The following BCO1 variants were observed in gnomAD, a reference collection of about 807,000 sequenced individuals.
The protein encoded by BCO1 is beta,beta-carotene 15,15'-dioxygenase.
A neutral mutation model predicts 56.3 loss-of-function variants in BCO1; 54 were observed. The observed-to-expected ratio is 0.96, with a 90% confidence interval of 0.77 to 1.20. The LOEUF is 1.20. BCO1 is among the 50% of genes most tolerant of loss of function. BCO1 has a pLI of 0.00. For synonymous variants in BCO1, 318 were observed against 266.1 expected (o/e 1.20, Z -1.90); for missense variants, 801 against 690.9 (o/e 1.16, Z -1.79).
intron 2 of BCO1, among the ~76,000 whole-genome samples, chr16:81,254,178 G>A (rs540569725): frequency 6.6e-6 from 1 of 152,048 alleles, no homozygotes; most frequent in East Asian, 1.9e-4. Flanking sequence ...ACCCAGGCAG[G>A]AGTTCAATGG....
At chr16:81,242,176 C>T (rs1478440707) in intron 1 of BCO1, among the ~76,000 whole-genome samples, 2 of 147,480 alleles carry the variant, frequency 1.4e-5, no homozygotes, top group Non-Finnish European at 3.0e-5. Context: ...GTGCCCAAGG[C>T]AAGAGACTTG....
chr16:81,280,272 A>C (rs1390889959), intron 7 of BCO1, among the ~76,000 whole-genome samples: 1 of 818 alleles, frequency 1.2e-3, no homozygotes, highest in Non-Finnish European at 7.2e-3. Context: ...TCCATCTCAA[A>C]AAAAAAAAAA....
At position 81,251,514 on chromosome 16, in the gene BCO1, C is replaced by A. The variant is rs140819875; in HGVS notation, c.193+5911C>A. The stretch of plus-strand genomic sequence containing the variant: ...GGCAGAGGCTGCAGTGAGCCGAGAT[C>A]ACACCTCTGCACTCCATCCTGGGTG... On this transcript the variant is annotated intron_variant, in intron 2 of 10. Transcript: ENST00000258168. 2.0e-3 allele frequency among the ~76,000 whole-genome samples: 293 copies of A among 149,858 alleles called. 1 individual carries two copies. The highest frequency in any genetic ancestry group is 6.9e-3 in the African/African-American group (280 of 40,650).
At chr16:81,274,274 T>C (rs1484173142) in intron 7 of BCO1, among the ~76,000 whole-genome samples, 2 of 145,616 alleles carry the variant, frequency 1.4e-5, no homozygotes, top group African/African-American at 5.1e-5. Context: ...TTTTTTTTTT[T>C]TTTTTTTGAG....
intron 8 of BCO1, among the ~76,000 whole-genome samples, chr16:81,284,610 C>A (rs1908068850): frequency 6.6e-6 from 1 of 151,938 alleles, no homozygotes; most frequent in Non-Finnish European, 1.5e-5. Context: ...TAACTGTTCT[C>A]CATTGACACC....
intron 1 of BCO1, among the ~76,000 whole-genome samples, chr16:81,239,848 C>A (rs902130192): frequency 1.3e-5 from 2 of 152,036 alleles, no homozygotes; most frequent in African/African-American, 2.4e-5. Flanking sequence ...GGTACCATTT[C>A]GACTCTAAAG....
Position 81,245,544 on chromosome 16 carries a change from C to A in BCO1, c.134C>A (p.Ser45Tyr), listed in dbSNP as rs1333266032. 6.2e-7 allele frequency: 1 copy of A among 1,613,774 alleles called. No individual in the cohort carries two copies. Among genetic ancestry groups the A allele is most frequent in the Admixed American group, 1.7e-5 (1 of 60,006 alleles). Residue 45 changes from serine to tyrosine, a missense_variant, in exon 2 of 11, where the codon TCC (serine) becomes TAC (tyrosine). Coordinates refer to ENST00000258168, the MANE Select transcript of BCO1 (RefSeq NM_017429.3). ...CCTGGGATGCACACAGTTGGGGAGT[C>A]CAGATACAACCATTGGTTCGACGGC... Reference protein sequence around the residue: ...NGPGMHTVGESRYNHWFDGLA... With the variant: ...NGPGMHTVGEYRYNHWFDGLA...
chr16:81,270,692 C>CTGTGTGTG (rs58969930), intron 7 of BCO1, among the ~76,000 whole-genome samples: 3,975 of 143,662 alleles, frequency 0.028, 191 homozygotes, highest in East Asian at 0.23. Context: ...CTCTCTGTGT[C>CTGTGTGTG]TGTGTGTGTG....
In BCO1 at chr16:81,290,562, G is replaced by A. The variant is rs369604360; in HGVS notation, c.1629G>A (p.Gly543=). 7 of 1,613,338 alleles carry A rather than the reference G, an allele frequency of 4.3e-6. No homozygotes were observed. The African/African-American group carries it at 6.7e-5, about 15-fold the overall frequency. The change falls in exon 11 of 11, where the codon GGG becomes GGA. Residue 543 remains glycine, a synonymous_variant. Coordinates refer to ENST00000258168, the MANE Select transcript of BCO1 (RefSeq NM_017429.3). Reference sequence around the variant, plus strand: ...GGGACAGGGCTTCCGACTGCCACGGGGCTCCTCTGACCTGATGGTGTTGGG... The same window carrying A: ...GGGACAGGGCTTCCGACTGCCACGGAGCTCCTCTGACCTGATGGTGTTGGG... The part of the protein sequence containing the change: ...EQRDRASDCH[G]APLT
At chr16:81,259,265 G>A (rs1007428773) in intron 2 of BCO1, among the ~76,000 whole-genome samples, 1 of 152,094 alleles carries the variant, frequency 6.6e-6, no homozygotes, top group Admixed American at 6.6e-5. Flanking sequence ...AGGCTGAGGC[G>A]GGTGGATCAC....
At chr16:81,240,579 C>A (rs929551820) in intron 1 of BCO1, among the ~76,000 whole-genome samples, 5 of 151,858 alleles carry the variant, frequency 3.3e-5, no homozygotes, top group Non-Finnish European at 7.4e-5. Flanking sequence ...GTGGCATGCA[C>A]CTGTAGTCCC....
At position 81,259,715 on chromosome 16, in the gene BCO1, C is replaced by G. The variant is rs764591988; in HGVS notation, c.233C>G (p.Thr78Ser). The change falls in exon 3 of 11, where the codon ACC (threonine) becomes AGC (serine). Residue 78 changes from threonine to serine, a missense_variant. Physicochemically the swap from Thr to Ser is moderately conservative, Grantham distance 58. Coordinates refer to ENST00000258168, the MANE Select transcript of BCO1 (RefSeq NM_017429.3). ...YYRSKYLRSD[T>S]YNTNIEANRI... ...AGGAGCAAATACCTGAGAAGCGATA[C>G]CTACAACACCAATATTGAGGCAAAC... 6.2e-7 allele frequency: 1 copy of G among 1,614,154 alleles called. No individual in the cohort carries two copies. Among genetic ancestry groups the G allele is most frequent in the Non-Finnish European group, 8.5e-7 (1 of 1,180,020 alleles).
intron 5 of BCO1, 140 bp from the exon 6 acceptor site, chr16:81,267,768 C>G (rs1031436838): frequency 3.0e-5 from 22 of 737,558 alleles, no homozygotes; most frequent in Non-Finnish European, 5.0e-5. Context: ...CTGCAGCAAC[C>G]TTGTTGTCTG....
intron 2 of BCO1, among the ~76,000 whole-genome samples, chr16:81,248,479 G>A (rs1030293154): frequency 6.7e-6 from 1 of 150,014 alleles, no homozygotes; most frequent in African/African-American, 2.5e-5. Context: ...TTTTGAATGT[G>A]TACTCTATGC....
At chr16:81,265,354 C>G (rs1414037858) in intron 5 of BCO1, among the ~76,000 whole-genome samples, 5 of 148,998 alleles carry the variant, frequency 3.4e-5, no homozygotes, top group Admixed American at 2.0e-4. Context: ...CATCTACCCA[C>G]CCATCCACCC....
chr16:81,272,844 T>C (rs1302308986), intron 7 of BCO1, among the ~76,000 whole-genome samples: 2 of 152,220 alleles, frequency 1.3e-5, no homozygotes, highest in Non-Finnish European at 2.9e-5. Flanking sequence ...AACGTCCCTG[T>C]AGAAGCCTCA....
Position 81,278,470 on chromosome 16 carries a change from T to C in BCO1, c.1102-2387T>C, listed in dbSNP as rs117240484. On this transcript the variant is annotated intron_variant, in intron 7 of 10. Coordinates refer to ENST00000258168, the MANE Select transcript of BCO1 (RefSeq NM_017429.3). ...CCTTGACAGCCCAAAGAAAAGCTTA[T>C]TGAGTTGTGCATTCACTCATTAATT... 4.6e-5 allele frequency among the ~76,000 whole-genome samples: 7 copies of C among 152,334 alleles called. No individual in the cohort carries two copies. In the East Asian group the frequency reaches 5.8e-4, roughly 13 times the overall value.
chr16:81,244,196 A>T (rs1463760511), intron 1 of BCO1, among the ~76,000 whole-genome samples: 1 of 152,232 alleles, frequency 6.6e-6, no homozygotes, highest in Admixed American at 6.5e-5. Flanking sequence ...CGCTGAGAGG[A>T]CTTGGGTGGA....
At position 81,287,360 on chromosome 16, in the gene BCO1, G is replaced by A. The variant is rs147427076; in HGVS notation, c.1368G>A (p.Ala456=). 3.1e-5 allele frequency: 50 copies of A among 1,613,936 alleles called. No homozygotes were observed. The highest frequency in any genetic ancestry group is 3.3e-4 in the Middle Eastern group (2 of 6,060). ...GGAGAGAGGACGACTGCTGGCCAGC[G>A]GAACCCCTGTTTGTGCCCGCGCCAG... ...LKWREDDCWP[A]EPLFVPAPGA... The change falls in exon 10 of 11, where the codon GCG becomes GCA. Residue 456 remains alanine (A), a synonymous_variant. Transcript: ENST00000258168.
Sources: allele counts gnomAD v4.1 joint callset (sites outside exome capture counted in the v4.1 genomes callset), GRCh38; gene constraint gnomAD v4.1.1; transcripts MANE v1.5; gene names NCBI Gene and HGNC (gene_info 2026-07-23, HGNC 2026-07-21).